The following PIWIL1 variants were observed in gnomAD, a reference collection of about 807,000 sequenced individuals.
The protein encoded by PIWIL1 is piwi like RNA-mediated gene silencing 1, also known as piwi-like protein 1.
In PIWIL1, 73 loss-of-function variants were observed where a neutral mutation model predicts 114.4. The observed-to-expected ratio is 0.64, with a 90% CI of 0.53 to 0.78. PIWIL1 has a LOEUF of 0.78. PIWIL1 is among the 30% of genes least tolerant of loss of function. The pLI is 0.00. For missense variants in PIWIL1, 723 were observed against 1,063.1 expected (o/e 0.68, Z 4.45); for synonymous variants, 375 against 369.0 (o/e 1.02, Z -0.19).
the PIWIL1 span, among the ~76,000 whole-genome samples, chr12:130,404,036 T>C: frequency 6.6e-6 from 1 of 152,210 alleles, no homozygotes; most frequent in African/African-American, 2.4e-5. Context: ...TTTCCTTATC[T>C]CTGTTATTCA....
At chr12:130,354,032 T>C (rs540450926) in intron 9 of PIWIL1, among the ~76,000 whole-genome samples, 2 of 152,214 alleles carry the variant, frequency 1.3e-5, no homozygotes, top group Non-Finnish European at 2.9e-5. Flanking sequence ...CAATTGAAAT[T>C]TGACTTCTTG....
the PIWIL1 span, among the ~76,000 whole-genome samples, chr12:130,391,876 C>T: frequency 8.6e-5 from 13 of 151,676 alleles, no homozygotes; most frequent in East Asian, 2.5e-3. Flanking sequence ...GAGAGCCTTT[C>T]CCCCTAGTCA....
At chr12:130,423,919 TG>T in the PIWIL1 span, among the ~76,000 whole-genome samples, 2 of 152,118 alleles carry the variant, frequency 1.3e-5, no homozygotes, top group Non-Finnish European at 2.9e-5. Flanking sequence ...TTACTGATTC[TG>T]GGGGGTGGAA....
At chr12:130,404,583 T>G in the PIWIL1 span, among the ~76,000 whole-genome samples, 1 of 152,220 alleles carries the variant, frequency 6.6e-6, no homozygotes, top group Non-Finnish European at 1.5e-5. Context: ...GCCCGGCCGT[T>G]GGATCTATAT....
the PIWIL1 span, among the ~76,000 whole-genome samples, chr12:130,412,332 G>A: frequency 0.016 from 2,375 of 152,264 alleles, 33 homozygotes; most frequent in Admixed American, 0.046. Flanking sequence ...GTGTTTTCTA[G>A]ATGCGATAAA....
At chr12:130,409,510 T>A in the PIWIL1 span, among the ~76,000 whole-genome samples, 7 of 151,766 alleles carry the variant, frequency 4.6e-5, no homozygotes, top group Non-Finnish European at 1.0e-4. Flanking sequence ...GCCCGGCTAA[T>A]TTTTTTGTAT....
intron 18 of PIWIL1, among the ~76,000 whole-genome samples, chr12:130,363,360 A>G (rs548578728): frequency 4.6e-5 from 7 of 152,254 alleles, no homozygotes; most frequent in Admixed American, 3.9e-4. Context: ...TCCTTCACAG[A>G]ATGGGACAGT....
intron 18 of PIWIL1, 87 bp from the exon 19 acceptor site, chr12:130,367,046 T>C: frequency 3.4e-6 from 5 of 1,490,426 alleles, no homozygotes; most frequent in Non-Finnish European, 3.7e-6. Context: ...GTGTTCCTTT[T>C]TAAATGGAGC....
Position 130,343,040 on chromosome 12 carries a change from G to C in PIWIL1, c.129G>C (p.Glu43Asp). The change falls in exon 3 of 21, where the codon GAG becomes GAC. Residue 43 changes from glutamate (E) to aspartate (D), a missense_variant. Physicochemically the swap from Glu to Asp is conservative, Grantham distance 45. Around this residue, in one of 8 missense-constraint regions of PIWIL1, gnomAD observed 91 missense variants for 76.2 expected, o/e 1.19. Coordinates refer to ENST00000245255, the MANE Select transcript of PIWIL1 (RefSeq NM_004764.5). Reference protein sequence around the residue: ...IQPRPQPPPAEGELFGRGRQR... With the variant: ...IQPRPQPPPADGELFGRGRQR... Reference sequence around the variant, plus strand: ...CTAGGCCTCAGCCGCCACCAGCAGAGGGGGAATTATTTGGCCGTGGACGGC... The same window carrying C: ...CTAGGCCTCAGCCGCCACCAGCAGACGGGGAATTATTTGGCCGTGGACGGC... The C allele has an allele frequency of 1.2e-6, 2 of 1,614,124 alleles. No individual in the cohort carries two copies. Among genetic ancestry groups the C allele is most frequent in the Non-Finnish European group, 1.7e-6 (2 of 1,179,990 alleles).
chr12:130,370,310 G>A (rs570269052), intron 19 of PIWIL1, among the ~76,000 whole-genome samples: 4 of 150,926 alleles, frequency 2.7e-5, no homozygotes, highest in South Asian at 4.2e-4. Flanking sequence ...TTTATCTGTA[G>A]GTCCTGCAAC....
At chr12:130,360,287 A>G (rs2073472292) in intron 14 of PIWIL1, among the ~76,000 whole-genome samples, 1 of 152,196 alleles carries the variant, frequency 6.6e-6, no homozygotes, top group African/African-American at 2.4e-5. Flanking sequence ...GGGCACTATA[A>G]AAAGGGAAGA....
At chr12:130,404,863 T>A in the PIWIL1 span, among the ~76,000 whole-genome samples, 187 of 152,082 alleles carry the variant, frequency 1.2e-3, no homozygotes, top group African/African-American at 4.3e-3. Flanking sequence ...CAGCATGGAG[T>A]AGTGTTAAAG....
At chr12:130,351,961 G>T (rs2073225249) in intron 9 of PIWIL1, among the ~76,000 whole-genome samples, 1 of 152,094 alleles carries the variant, frequency 6.6e-6, no homozygotes, top group Admixed American at 6.5e-5. Flanking sequence ...ATGAGACCCT[G>T]CTTGCTGCTT....
At chr12:130,353,405 G>T (rs1362632733) in intron 9 of PIWIL1, among the ~76,000 whole-genome samples, 1 of 151,628 alleles carries the variant, frequency 6.6e-6, no homozygotes, top group Non-Finnish European at 1.5e-5. Context: ...TGTTCTTCTG[G>T]TGTGCTCAGT....
At chr12:130,411,455 T>C in the PIWIL1 span, among the ~76,000 whole-genome samples, 1 of 152,188 alleles carries the variant, frequency 6.6e-6, no homozygotes, top group Non-Finnish European at 1.5e-5. Flanking sequence ...ACATTCAGCC[T>C]TTCACCATTA....
At chr12:130,414,345 G>A in the PIWIL1 span, 6 of 1,531,328 alleles carry the variant, frequency 3.9e-6, no homozygotes, top group Admixed American at 1.2e-4. Flanking sequence ...GCGGCAGTGA[G>A]CCTAACTGAG....
the PIWIL1 span, among the ~76,000 whole-genome samples, chr12:130,402,891 A>G: frequency 1.3e-5 from 2 of 152,232 alleles, no homozygotes; most frequent in African/African-American, 4.8e-5. Flanking sequence ...ATGCTGGGCT[A>G]TAGCAAGAAC....
the PIWIL1 span, chr12:130,412,569 T>G: frequency 4.5e-6 from 7 of 1,560,272 alleles, no homozygotes; most frequent in Non-Finnish European, 6.1e-6. Context: ...GCGGCAGGTG[T>G]TTTGTGGGAT....
the PIWIL1 span, among the ~76,000 whole-genome samples, chr12:130,404,213 C>CA: frequency 6.6e-6 from 1 of 152,198 alleles, no homozygotes; most frequent in Non-Finnish European, 1.5e-5. Context: ...TACACACACA[C>CA]ACACTTTTCC....
Sources: gnomAD v4.1 joint callset for allele counts (sites outside exome capture counted in the v4.1 genomes callset) on GRCh38, gnomAD v4.1.1 for gene constraint, gnomAD v4.1.1 regional missense constraint, MANE v1.5 for transcripts, NCBI Gene and HGNC (gene_info 2026-07-23, HGNC 2026-07-21) for gene names.